The following RNF11 variants were observed in gnomAD, a reference collection of about 807,000 sequenced individuals.
RNF11 encodes ring finger protein 11.
RNF11 carries 4 observed loss-of-function variants against 15.8 expected under a neutral mutation model. The ratio of observed to expected loss-of-function variants is 0.25; its 90% CI spans 0.12 to 0.58. The LOEUF (loss-of-function observed/expected upper bound fraction) is 0.58. Among genes scored for constraint, RNF11 ranks in the 20% least tolerant of loss-of-function variants. RNF11 has a pLI of 0.91. For missense variants in RNF11, 139 were observed against 194.4 expected (o/e 0.71, Z 1.70); for synonymous variants, 68 against 72.3 (o/e 0.94, Z 0.30).
chr1:51,261,474 T>C (rs1203450848), intron 1 of RNF11, among the ~76,000 whole-genome samples: 8 of 152,230 alleles, frequency 5.3e-5, no homozygotes, highest in Admixed American at 4.6e-4. Context: ...TGTGGTATTG[T>C]AATTCAGTTG....
At chr1:51,257,618 C>T (rs959396831) in intron 1 of RNF11, among the ~76,000 whole-genome samples, 7 of 151,890 alleles carry the variant, frequency 4.6e-5, no homozygotes, top group Admixed American at 2.0e-4. Context: ...CCACCATGCC[C>T]GACTAATTTT....
chr1:51,263,138 C>G (rs534200395), intron 1 of RNF11, among the ~76,000 whole-genome samples: 1 of 152,184 alleles, frequency 6.6e-6, no homozygotes, highest in African/African-American at 2.4e-5. Flanking sequence ...TTTGGCAGTT[C>G]TACAAAAGGT....
At chr1:51,270,302 A>T (rs1557683589) in intron 2 of RNF11, among the ~76,000 whole-genome samples, 177 bp downstream of exon 2, 1 of 152,316 alleles carries the variant, frequency 6.6e-6, no homozygotes, top group East Asian at 1.9e-4. Context: ...TAGCAAGAGA[A>T]TGTTATGTAG....
intron 1 of RNF11, among the ~76,000 whole-genome samples, chr1:51,242,656 G>A (rs908879452): frequency 1.3e-5 from 2 of 151,904 alleles, no homozygotes; most frequent in Non-Finnish European, 1.5e-5. Flanking sequence ...TTTAGAGATG[G>A]AGTCTCACTT....
intron 1 of RNF11, among the ~76,000 whole-genome samples, chr1:51,252,492 A>G (rs577711570): frequency 3.3e-5 from 5 of 152,176 alleles, no homozygotes; most frequent in East Asian, 3.9e-4. Flanking sequence ...GCGGGCACCT[A>G]TAGTCCCAGC....
At chr1:51,244,633 C>G (rs1192271003) in intron 1 of RNF11, among the ~76,000 whole-genome samples, 3 of 152,142 alleles carry the variant, frequency 2.0e-5, no homozygotes, top group Non-Finnish European at 4.4e-5. Flanking sequence ...CTCGGCCTCC[C>G]AAAGTGCTGG....
At chr1:51,242,393 A>T (rs1231565051) in intron 1 of RNF11, among the ~76,000 whole-genome samples, 1 of 145,960 alleles carries the variant, frequency 6.9e-6, no homozygotes, top group African/African-American at 2.6e-5. Flanking sequence ...TAGGTGGCAG[A>T]GGCAGGAGGA....
At chr1:51,246,222 G>A (rs557900526) in intron 1 of RNF11, among the ~76,000 whole-genome samples, 60 of 152,168 alleles carry the variant, frequency 3.9e-4, no homozygotes, top group Non-Finnish European at 8.4e-4. Context: ...GCTAGGTTGC[G>A]CTGTTGCACT....
rs1239340284 is a variant in RNF11, at chr1:51,270,027, G to T, written c.195G>T (p.Glu65Asp). Residue 65 changes from glutamate to aspartate, a missense_variant, in exon 2 of 3, where the codon GAG becomes GAT. By Grantham distance (45) the Glu-to-Asp change is conservative. Transcript: ENST00000242719. Reference protein sequence around the residue: ...QTRLATQLTEEEQIRIAQRIG... With the variant: ...QTRLATQLTEDEQIRIAQRIG... Reference sequence around the variant, plus strand: ...GGCTAGCAACTCAGCTGACTGAAGAGGAACAAATTAGGATAGCTCAAAGAA... The same window carrying T: ...GGCTAGCAACTCAGCTGACTGAAGATGAACAAATTAGGATAGCTCAAAGAA... The T allele has an allele frequency of 6.2e-7, 1 of 1,613,776 alleles. No homozygotes were observed. Among genetic ancestry groups the T allele is most frequent in the East Asian group, 2.2e-5 (1 of 44,882 alleles).
In RNF11 at chr1:51,236,628, G is replaced by C; in HGVS notation, c.-129G>C. On this transcript the variant is annotated 5_prime_UTR_variant, in exon 1 of 3. Transcript: ENST00000242719. ...CCCTCGGCGGCACCGTGGGGCGGTG[G>C]AGTCGCCTCCGCCTGATCCCCGGCC... 7.8e-7 allele frequency: 1 copy of C among 1,276,528 alleles called. No homozygotes were observed. The highest frequency in any genetic ancestry group is 1.5e-5 in the African/African-American group (1 of 66,048). 79.1% of individuals were successfully genotyped at this position (1,276,528 alleles called of 1,614,324 possible).
intron 1 of RNF11, chr1:51,264,840 C>T (rs1031108133): frequency 1.3e-5 from 2 of 152,176 alleles, no homozygotes; most frequent in Non-Finnish European, 2.9e-5. Context: ...GCCCTTCAGA[C>T]AGACACGTTT....
At chr1:51,253,304 C>A (rs1425990665) in intron 1 of RNF11, among the ~76,000 whole-genome samples, 1 of 151,928 alleles carries the variant, frequency 6.6e-6, no homozygotes, top group African/African-American at 2.4e-5. Context: ...GTGAGAGGAT[C>A]CCTTAAGGGA....
chr1:51,264,820 T>A (rs1473623274), intron 1 of RNF11: 1 of 152,234 alleles, frequency 6.6e-6, no homozygotes. Context: ...AATCCAACTT[T>A]TAATGTAGTG....
intron 1 of RNF11, among the ~76,000 whole-genome samples, chr1:51,259,211 C>T (rs1037193182): frequency 9.2e-5 from 14 of 152,128 alleles, no homozygotes; most frequent in Admixed American, 8.5e-4. Context: ...GAGAGAACTG[C>T]CAAACACCCT....
chr1:51,256,358 G>A (rs1156872657), intron 1 of RNF11, among the ~76,000 whole-genome samples: 1 of 152,030 alleles, frequency 6.6e-6, no homozygotes, highest in Non-Finnish European at 1.5e-5. Flanking sequence ...GTAGTAATAT[G>A]TATTTAAAGT....
intron 1 of RNF11, chr1:51,250,564 G>A (rs899085409): frequency 1.8e-5 from 10 of 561,952 alleles, no homozygotes; most frequent in African/African-American, 5.7e-5. Flanking sequence ...TTTTTTTTAC[G>A]CTTAATTCGC....
At chr1:51,240,480 A>T (rs1646823710) in intron 1 of RNF11, among the ~76,000 whole-genome samples, 1 of 152,028 alleles carries the variant, frequency 6.6e-6, no homozygotes, top group African/African-American at 2.4e-5. Context: ...TTACATTCCA[A>T]CATGTGTTAG....
intron 1 of RNF11, among the ~76,000 whole-genome samples, chr1:51,260,018 CCT>C (rs1569675665): frequency 6.6e-6 from 1 of 152,090 alleles, no homozygotes; most frequent in East Asian, 1.9e-4. Flanking sequence ...ATGATGTACC[CCT>C]GTTTGCAAGG....
At position 51,272,619 on chromosome 1, in the gene RNF11, A is replaced by G. The variant is rs1431851360; in HGVS notation, c.*1297A>G. On this transcript the variant is annotated 3_prime_UTR_variant, in exon 3 of 3. Transcript: ENST00000242719. ...GAAGTGTTAGAGGTAGAGATGGTCTAGTAAAGATGTAGTAGTAATGTTTTA... is the reference window on the plus strand; with the variant it reads ...GAAGTGTTAGAGGTAGAGATGGTCTGGTAAAGATGTAGTAGTAATGTTTTA... The G allele has an allele frequency of 6.6e-6, 1 of 152,424 alleles. No individual in the cohort carries two copies. Among genetic ancestry groups the G allele is most frequent in the Non-Finnish European group, 1.5e-5 (1 of 68,014 alleles). The allele number at this position is 152,424 out of a possible 1,614,324, so 9.4% of individuals were successfully genotyped here. A position where few individuals can be genotyped will look rare whatever the true frequency, so the allele number is the denominator to read the frequency against.
Sources: allele counts gnomAD v4.1 joint callset (sites outside exome capture counted in the v4.1 genomes callset), GRCh38; gene constraint gnomAD v4.1.1; transcripts MANE v1.5; gene names NCBI Gene and HGNC (gene_info 2026-07-23, HGNC 2026-07-21).